The following CACHD1 variants were observed in gnomAD, a reference collection of about 807,000 sequenced individuals.
The protein encoded by CACHD1 is VWFA and cache domain-containing protein 1.
In CACHD1, 71 loss-of-function variants were observed where a neutral mutation model predicts 138.7. The observed-to-expected ratio is 0.51, with a 90% CI of 0.42 to 0.62. The LOEUF (loss-of-function observed/expected upper bound fraction) is 0.62, where lower values mean the gene tolerates loss of function less well. CACHD1 is among the 20% of genes least tolerant of loss of function. The pLI is 0.00. For missense variants in CACHD1, 1,389 were observed against 1,625.3 expected (o/e 0.85, Z 2.50); for synonymous variants, 578 against 591.5 (o/e 0.98, Z 0.33).
chr1:64,604,534 G>A (rs1188787472), intron 4 of CACHD1, among the ~76,000 whole-genome samples: 2 of 152,170 alleles, frequency 1.3e-5, no homozygotes, highest in Non-Finnish European at 2.9e-5. Context: ...TGCTTGTTCT[G>A]AAGACTTGAG....
intron 7 of CACHD1, among the ~76,000 whole-genome samples, chr1:64,636,468 A>C (rs1648529428): frequency 6.6e-6 from 1 of 152,212 alleles, no homozygotes; most frequent in East Asian, 1.9e-4. Flanking sequence ...GGCTACTGTC[A>C]GAGTGTCAGT....
chr1:64,603,519 T>C (rs1357154367), intron 4 of CACHD1, among the ~76,000 whole-genome samples: 1 of 152,224 alleles, frequency 6.6e-6, no homozygotes, highest in Non-Finnish European at 1.5e-5. Flanking sequence ...TTAAAGGTTA[T>C]TTTAGAGACC....
chr1:64,658,028 G>A (rs1355501093), intron 12 of CACHD1, among the ~76,000 whole-genome samples: 1 of 152,212 alleles, frequency 6.6e-6, no homozygotes, highest in Non-Finnish European at 1.5e-5. Flanking sequence ...AAATACTACT[G>A]TTTCTACATA....
At chr1:64,631,494 G>T (rs768391753) in intron 5 of CACHD1, among the ~76,000 whole-genome samples, 2 of 152,094 alleles carry the variant, frequency 1.3e-5, no homozygotes, top group Non-Finnish European at 2.9e-5. Flanking sequence ...AGTTTTTTTG[G>T]TACTTTGCCT....
chr1:64,519,690 A>G lies in CACHD1; in HGVS notation c.199-30904A>G, dbSNP rs903342056. On this transcript the variant is annotated intron_variant, in intron 1 of 26. Coordinates refer to ENST00000651257, the MANE Select transcript of CACHD1 (RefSeq NM_020925.4). ...GGTGTAATTCCTGGCTCAAGCCAAA[A>G]AACTTGATGTTTTAGTTAGTCTTAT... 1.7e-4 allele frequency among the ~76,000 whole-genome samples: 5 copies of G among 30,196 alleles called. No homozygotes were observed. In the Admixed American group the frequency reaches 2.0e-3, roughly 12 times the overall value. The allele number at this position is 30,196 out of a possible 152,430, so 19.8% of individuals were successfully genotyped here.
At chr1:64,493,146 A>G (rs1368726238) in intron 1 of CACHD1, among the ~76,000 whole-genome samples, 1 of 152,256 alleles carries the variant, frequency 6.6e-6, no homozygotes, top group African/African-American at 2.4e-5. Context: ...TGAACTGGGA[A>G]ATCATTTGCA....
intron 3 of CACHD1, among the ~76,000 whole-genome samples, chr1:64,596,978 T>C (rs530634739): frequency 1.3e-5 from 2 of 152,214 alleles, no homozygotes; most frequent in Non-Finnish European, 2.9e-5. Context: ...TCTCTGGAAA[T>C]ATTGAGAAAA....
At chr1:64,586,961 AT>A (rs1647055891) in intron 3 of CACHD1, among the ~76,000 whole-genome samples, 1 of 152,204 alleles carries the variant, frequency 6.6e-6, no homozygotes. Flanking sequence ...GTTTATGCCT[AT>A]GGACTGTATC....
At position 64,482,423 on chromosome 1, in the gene CACHD1, G is replaced by A. The variant is rs78034255; in HGVS notation, c.198+11481G>A. 4.9e-3 allele frequency among the ~76,000 whole-genome samples: 742 copies of A among 152,330 alleles called. 5 individuals are homozygous for A. The highest frequency in any genetic ancestry group is 0.017 in the African/African-American group (713 of 41,576). ...GGTTTCCATAACTTTGCTTGGTGGT[G>A]CCTGAACAAGAGTTGCCCTTGGCCA... is the stretch of plus-strand genomic sequence containing the variant. On this transcript the variant is annotated intron_variant, in intron 1 of 26. Transcript: ENST00000651257.
chr1:64,665,238 C>T (rs778409004), intron 15 of CACHD1, among the ~76,000 whole-genome samples: 1 of 151,624 alleles, frequency 6.6e-6, no homozygotes, highest in East Asian at 1.9e-4. Context: ...GTGGATTGCT[C>T]GAGCCTAGGA....
intron 1 of CACHD1, among the ~76,000 whole-genome samples, chr1:64,528,493 C>G (rs1418134532): frequency 6.6e-6 from 1 of 152,044 alleles, no homozygotes; most frequent in Non-Finnish European, 1.5e-5. Context: ...TCAGCATGGG[C>G]CATCCTAAAT....
At chr1:64,601,762 T>C (rs1234257804) in intron 3 of CACHD1, among the ~76,000 whole-genome samples, 1 of 152,228 alleles carries the variant, frequency 6.6e-6, no homozygotes, top group African/African-American at 2.4e-5. Flanking sequence ...GCTTTATAGC[T>C]TCTCTATTTG....
In CACHD1 at chr1:64,666,112, G is replaced by T. The variant is rs1649624246; in HGVS notation, c.2332G>T (p.Asp778Tyr). 1 of 1,613,424 alleles carries T rather than the reference G, an allele frequency of 6.2e-7. No individual in the cohort carries two copies. The highest frequency in any genetic ancestry group is 1.7e-5 in the Admixed American group (1 of 59,992). ...GLISLTGPYLDVGGAGYVVTI... is the reference protein window; with the variant it reads ...GLISLTGPYLYVGGAGYVVTI... ...GATTTCTTTGACTGGTCCTTACTTA[G>T]ATGTTGGAGGAGCTGGTTATGTTGT... Residue 778 changes from aspartate to tyrosine, a missense_variant, in exon 16 of 27, where the codon GAT becomes TAT. By Grantham distance (160) the Asp-to-Tyr change is radical (BLOSUM62 -3). Around this residue, in one of 5 missense-constraint regions of CACHD1, gnomAD observed 1,000 missense variants for 1,114.7 expected, o/e 0.90. Coordinates refer to ENST00000651257, the MANE Select transcript of CACHD1 (RefSeq NM_020925.4).
chr1:64,604,286 T>C (rs887869748), intron 4 of CACHD1, among the ~76,000 whole-genome samples: 3 of 152,218 alleles, frequency 2.0e-5, no homozygotes, highest in Non-Finnish European at 2.9e-5. Context: ...TCATTTTTCA[T>C]TGGTCAGATC....
chr1:64,538,934 A>C (rs996419467), intron 1 of CACHD1, among the ~76,000 whole-genome samples: 2 of 152,202 alleles, frequency 1.3e-5, no homozygotes, highest in Non-Finnish European at 2.9e-5. Context: ...TATTTTTTGA[A>C]CAAGTATTTC....
intron 2 of CACHD1, among the ~76,000 whole-genome samples, chr1:64,563,416 C>A (rs1211176670): frequency 6.6e-6 from 1 of 152,098 alleles, no homozygotes; most frequent in African/African-American, 2.4e-5. Flanking sequence ...AAGGTCAAAG[C>A]AATGAACTAG....
At chr1:64,673,111 A>C (rs780958525) in intron 17 of CACHD1, 47 bp from the exon 18 acceptor site, 2 of 1,516,922 alleles carry the variant, frequency 1.3e-6, no homozygotes, top group Non-Finnish European at 1.8e-6. Flanking sequence ...TTTGAAAAAA[A>C]AAAAAACAGC....
At chr1:64,624,033 G>T (rs1485080477) in intron 4 of CACHD1, among the ~76,000 whole-genome samples, 1 of 152,234 alleles carries the variant, frequency 6.6e-6, no homozygotes, top group Non-Finnish European at 1.5e-5. Context: ...GGTTGCCTGT[G>T]TGGATAATAA....
intron 4 of CACHD1, among the ~76,000 whole-genome samples, chr1:64,606,924 G>T (rs1260483562): frequency 2.6e-5 from 4 of 152,144 alleles, no homozygotes; most frequent in African/African-American, 9.7e-5. Flanking sequence ...ATTGTGATGG[G>T]GAATGCTGGG....
Sources: allele counts gnomAD v4.1 joint callset (sites outside exome capture counted in the v4.1 genomes callset), GRCh38; gene constraint gnomAD v4.1.1; regional missense constraint gnomAD v4.1.1; transcripts MANE v1.5; gene names NCBI Gene and HGNC (gene_info 2026-07-23, HGNC 2026-07-21).